Variants in JPH3 observed in about 807,000 individuals in gnomAD.
The protein encoded by JPH3 is junctophilin-3.
A neutral mutation model predicts 59.6 loss-of-function variants in JPH3; 11 were observed. That is an observed-to-expected ratio of 0.18 (90% CI 0.12 to 0.31). JPH3 has a LOEUF of 0.31. Among genes scored for constraint, JPH3 ranks in the 10% least tolerant of loss-of-function variants. The pLI, the probability that JPH3 is intolerant of heterozygous loss-of-function variation, is 1.00. For missense variants in JPH3, 1,202 were observed against 1,105.7 expected (o/e 1.09, Z -1.24); for synonymous variants, 673 against 483.6 (o/e 1.39, Z -5.14).
intron 1 of JPH3, among the ~76,000 whole-genome samples, chr16:87,637,732 G>T (rs537545645): frequency 4.7e-5 from 7 of 148,902 alleles, no homozygotes; most frequent in East Asian, 1.9e-4. Context: ...TGCCCTGGGC[G>T]AATGTCGAGG....
In JPH3 at chr16:87,666,120, C is replaced by T. The variant is rs536862969; in HGVS notation, c.1161-18022C>T. Among the ~76,000 whole-genome samples, 464 of 149,138 alleles carry T rather than the reference C, an allele frequency of 3.1e-3. 3 individuals are homozygous for T. Among genetic ancestry groups the T allele is most frequent in the Non-Finnish European group, 4.8e-3 (325 of 67,498 alleles). On this transcript the variant is annotated intron_variant, in intron 2 of 4. Coordinates refer to ENST00000284262, the MANE Select transcript of JPH3 (RefSeq NM_020655.4). ...TTTTTTTTTTTTTGAGACAGAGTTT[C>T]GCTCATTGCCCAGGCTGGAGTGCAG...
intron 1 of JPH3, among the ~76,000 whole-genome samples, chr16:87,640,221 C>T (rs2031900528): frequency 6.6e-6 from 1 of 151,564 alleles, no homozygotes; most frequent in South Asian, 2.1e-4. Flanking sequence ...CCCAGCTACT[C>T]AGGAGGCTGA....
chr16:87,615,628 C>T (rs1013197178), intron 1 of JPH3, among the ~76,000 whole-genome samples: 2 of 152,202 alleles, frequency 1.3e-5, no homozygotes, highest in African/African-American at 4.8e-5. Flanking sequence ...GCTCCAGTCA[C>T]GAGTCTCAAA....
At chr16:87,672,321 T>C (rs1418845227) in intron 2 of JPH3, among the ~76,000 whole-genome samples, 1 of 152,156 alleles carries the variant, frequency 6.6e-6, no homozygotes, top group Admixed American at 6.5e-5. Context: ...AGAAACAAGA[T>C]GGTCCCAGGC....
At chr16:87,662,803 C>T (rs893862575) in intron 2 of JPH3, among the ~76,000 whole-genome samples, 2 of 152,250 alleles carry the variant, frequency 1.3e-5, no homozygotes, top group Admixed American at 6.5e-5. Flanking sequence ...CCGTCTGTCT[C>T]CCTGTGAAAT....
chr16:87,660,501 C>T (rs1250785561), intron 2 of JPH3, among the ~76,000 whole-genome samples: 2 of 152,212 alleles, frequency 1.3e-5, no homozygotes, highest in African/African-American at 4.8e-5. Flanking sequence ...CCAGAGGCCA[C>T]AGGCTGGACT....
At chr16:87,634,662 GC>G (rs1186064598) in intron 1 of JPH3, among the ~76,000 whole-genome samples, 1 of 152,238 alleles carries the variant, frequency 6.6e-6, no homozygotes, top group Non-Finnish European at 1.5e-5. Context: ...GGGGGCTCTG[GC>G]CCGTGCCCAC....
chr16:87,643,535 G>T (rs1013905837), intron 1 of JPH3, among the ~76,000 whole-genome samples: 3 of 152,212 alleles, frequency 2.0e-5, no homozygotes, highest in Non-Finnish European at 4.4e-5. Context: ...CTGTCTCCCA[G>T]AGCAGCCCAT....
At chr16:87,654,559 C>T (rs2032430632) in intron 2 of JPH3, 1 of 152,328 alleles carries the variant, frequency 6.6e-6, no homozygotes, top group Non-Finnish European at 1.5e-5. Flanking sequence ...ATCTGAGCCT[C>T]AGGCACGACA....
intron 1 of JPH3, among the ~76,000 whole-genome samples, chr16:87,609,954 A>G (rs999432539): frequency 2.6e-5 from 4 of 152,180 alleles, no homozygotes; most frequent in Admixed American, 6.5e-5. Context: ...ACTCACCATC[A>G]TGTAGAATCA....
intron 2 of JPH3, among the ~76,000 whole-genome samples, chr16:87,648,893 G>C (rs1044189114): frequency 6.6e-6 from 1 of 152,230 alleles, no homozygotes; most frequent in African/African-American, 2.4e-5. Context: ...CCTGCATGCT[G>C]ACCTGGTCCC....
At chr16:87,671,915 C>G (rs1315491786) in intron 2 of JPH3, among the ~76,000 whole-genome samples, 1 of 152,252 alleles carries the variant, frequency 6.6e-6, no homozygotes, top group Non-Finnish European at 1.5e-5. Context: ...CATGCAGCAG[C>G]TTCTAAAACC....
chr16:87,613,835 T>G (rs2030830062), intron 1 of JPH3, among the ~76,000 whole-genome samples: 1 of 152,246 alleles, frequency 6.6e-6, no homozygotes, highest in Non-Finnish European at 1.5e-5. Flanking sequence ...CTTACATTCC[T>G]TAAGATAATG....
At chr16:87,695,520 T>C (rs550512445) in intron 4 of JPH3, 1 of 452,938 alleles carries the variant, frequency 2.2e-6, no homozygotes, top group East Asian at 7.0e-5. Flanking sequence ...GGCTGCGAGA[T>C]GCAGGGCGTG....
At chr16:87,644,036 G>A (rs1336832402) in intron 1 of JPH3, among the ~76,000 whole-genome samples, 1 of 152,226 alleles carries the variant, frequency 6.6e-6, no homozygotes, top group African/African-American at 2.4e-5. Context: ...TGCGCAGGAG[G>A]CTGAGGCAGG....
intron 1 of JPH3, among the ~76,000 whole-genome samples, chr16:87,614,804 A>G (rs569471501): frequency 2.0e-5 from 3 of 146,944 alleles, no homozygotes; most frequent in South Asian, 2.2e-4. Flanking sequence ...TCCCAGGATA[A>G]ACGCTGGTCC....
At chr16:87,653,381 A>G (rs1763127594) in intron 2 of JPH3, among the ~76,000 whole-genome samples, 1 of 151,964 alleles carries the variant, frequency 6.6e-6, no homozygotes, top group African/African-American at 2.4e-5. Flanking sequence ...TTCTCCAGTG[A>G]GTGAGGGATC....
intron 2 of JPH3, among the ~76,000 whole-genome samples, chr16:87,663,329 A>G (rs1195234147): frequency 6.6e-6 from 1 of 152,076 alleles, no homozygotes; most frequent in Non-Finnish European, 1.5e-5. Flanking sequence ...GCTGGTCTCA[A>G]ACTCCTGACC....
At chr16:87,618,950 G>A (rs547228710) in intron 1 of JPH3, among the ~76,000 whole-genome samples, 67 of 152,208 alleles carry the variant, frequency 4.4e-4, no homozygotes, top group African/African-American at 1.4e-3. Context: ...TGAGCTGGGC[G>A]TGATGGCAGG....
Sources: allele counts gnomAD v4.1 joint callset (sites outside exome capture counted in the v4.1 genomes callset), GRCh38; gene constraint gnomAD v4.1.1; transcripts MANE v1.5; gene names NCBI Gene and HGNC (gene_info 2026-07-23, HGNC 2026-07-21).